Variants in NHS observed in about 807,000 individuals in gnomAD.
NHS encodes actin remodeling regulator NHS.
In NHS, 5 loss-of-function variants were observed where a neutral mutation model predicts 72.5. The observed-to-expected ratio is 0.07, with a 90% CI of 0.04 to 0.14. The LOEUF (loss-of-function observed/expected upper bound fraction) is 0.14. Among genes scored for constraint, NHS ranks in the 10% least tolerant of loss-of-function variants. NHS has a pLI of 1.00. For missense variants in NHS, 1,072 were observed against 1,355.7 expected (o/e 0.79, Z 3.29); for synonymous variants, 464 against 547.7 (o/e 0.85, Z 2.13).
intron 1 of NHS, among the ~76,000 whole-genome samples, chrX:17,602,834 ATTTTT>A (rs34067989): frequency 1.2e-5 from 1 of 83,300 alleles, no homozygotes; most frequent in African/African-American, 4.9e-5. Flanking sequence ...CACAACTACA[ATTTTT>A]TTTTTTTTTT....
chrX:17,469,177 A>G (rs2064881970), intron 1 of NHS, among the ~76,000 whole-genome samples: 1 of 111,966 alleles, frequency 8.9e-6, no homozygotes, highest in Non-Finnish European at 1.9e-5. Flanking sequence ...ATTCCATTCC[A>G]TGGTGTGAAT....
At position 17,683,263 on chromosome X, in the gene NHS, AG is replaced by A. The variant is rs747826549; in HGVS notation, c.566-4477del. 6.2e-5 allele frequency among the ~76,000 whole-genome samples: 7 copies of A among 112,210 alleles called. No homozygotes were observed. The South Asian group carries it at 2.2e-3, about 36-fold the overall frequency. On this transcript the variant is annotated intron_variant, in intron 1 of 8. Coordinates refer to ENST00000676302, the MANE Select transcript of NHS (RefSeq NM_001291867.2). ...GAACACATCTTCCCAACCTCCTGCTAGGCACTTTCTGGAAGAGTCACTCAGT... is the reference window on the plus strand; with the variant it reads ...GAACACATCTTCCCAACCTCCTGCTAGCACTTTCTGGAAGAGTCACTCAGT...
chrX:17,385,241 G>A (rs2064400278), intron 1 of NHS, among the ~76,000 whole-genome samples: 1 of 112,034 alleles, frequency 8.9e-6, no homozygotes, highest in Non-Finnish European at 1.9e-5. Flanking sequence ...GAGGACCTGG[G>A]CATTCATGTG....
intron 1 of NHS, among the ~76,000 whole-genome samples, chrX:17,452,627 A>T (rs779902564): frequency 2.7e-4 from 30 of 111,008 alleles, no homozygotes; most frequent in Non-Finnish European, 4.1e-4. Context: ...GTCTCAGTTC[A>T]CATTCTCCAG....
intron 1 of NHS, among the ~76,000 whole-genome samples, chrX:17,446,201 C>T (rs906623060): frequency 1.8e-5 from 2 of 110,589 alleles, no homozygotes; most frequent in Non-Finnish European, 3.8e-5. Flanking sequence ...CCCTGAGAAA[C>T]ATCGCCCATT....
intron 1 of NHS, among the ~76,000 whole-genome samples, chrX:17,684,694 G>A (rs1011520610): frequency 2.7e-5 from 3 of 111,593 alleles, no homozygotes; most frequent in Non-Finnish European, 5.6e-5. Flanking sequence ...AACTCAAGTC[G>A]ATTGAGTACA....
chrX:17,719,163 G>C, intron 3 of NHS, 181 bp from the exon 4 acceptor site: 1 of 384,716 alleles, frequency 2.6e-6, no homozygotes, highest in Non-Finnish European at 4.5e-6. Flanking sequence ...GGAGAAGGAA[G>C]GAATAATGAG....
At chrX:17,537,987 AGGAGGGCTTCCTGCTCAGCCT>A (rs1317296056) in intron 1 of NHS, among the ~76,000 whole-genome samples, 5 of 112,120 alleles carry the variant, frequency 4.5e-5, no homozygotes, top group Admixed American at 2.8e-4. Context: ...AGCCACGGGC[AGGAGGGCTTCCTGCTCAGCCT>A]GGCTGTGGAG....
At chrX:17,498,604 C>A (rs2065023838) in intron 1 of NHS, among the ~76,000 whole-genome samples, 1 of 111,480 alleles carries the variant, frequency 9.0e-6, no homozygotes, top group Non-Finnish European at 1.9e-5. Context: ...GAAAATGACA[C>A]AAGCCTTGTT....
At chrX:17,658,511 G>A (rs757152249) in intron 1 of NHS, among the ~76,000 whole-genome samples, 3 of 111,776 alleles carry the variant, frequency 2.7e-5, no homozygotes, top group Non-Finnish European at 5.6e-5. Flanking sequence ...CAACTATTAA[G>A]ATAGAGATCG....
intron 1 of NHS, among the ~76,000 whole-genome samples, chrX:17,435,639 A>G (rs111425128): frequency 3.2e-4 from 36 of 113,108 alleles, no homozygotes; most frequent in African/African-American, 1.2e-3. Flanking sequence ...AAAAGGGCCA[A>G]AGGGCAAGCC....
intron 2 of NHS, 87 bp from the exon 3 acceptor site, chrX:17,692,247 TA>T (rs1430712555): frequency 1.9e-6 from 2 of 1,052,534 alleles, no homozygotes; most frequent in Admixed American, 2.5e-5. Flanking sequence ...TTTTTTTTTT[TA>T]CAGCCTTTTG....
At chrX:17,725,226 C>CTTT in intron 6 of NHS, 121 bp from the exon 7 acceptor site, 1 of 603,569 alleles carries the variant, frequency 1.7e-6, no homozygotes, top group Non-Finnish European at 2.6e-6. Flanking sequence ...GATTTTTTTT[C>CTTT]TGTTAAAGAA....
Position 17,719,648 on chromosome X carries a change from C to G in NHS, c.915+242C>G, listed in dbSNP as rs192212589. On this transcript the variant is annotated intron_variant, in intron 4 of 8. Transcript: ENST00000676302. The stretch of plus-strand genomic sequence containing the variant: ...CCACTCTGCAAACTGCATCACCTAA[C>G]ACTACTCTTGGACTTTGTAGTCTGG... 2.3e-3 allele frequency among the ~76,000 whole-genome samples: 252 copies of G among 110,848 alleles called. 3 individuals are homozygous for G. Among genetic ancestry groups the G allele is most frequent in the Admixed American group, 0.021 (215 of 10,434 alleles).
chrX:17,487,561 C>T (rs945365244), intron 1 of NHS, among the ~76,000 whole-genome samples: 3 of 111,673 alleles, frequency 2.7e-5, no homozygotes, highest in African/African-American at 9.8e-5. Flanking sequence ...CCTTCTCTCC[C>T]TGATGTACCC....
chrX:17,680,987 CAG>C (rs1303803140), intron 1 of NHS, among the ~76,000 whole-genome samples: 2 of 112,025 alleles, frequency 1.8e-5, no homozygotes, highest in African/African-American at 6.5e-5. Context: ...GCCACTGGCT[CAG>C]AGAGTTAGGA....
At chrX:17,663,271 A>G (rs946102706) in intron 1 of NHS, among the ~76,000 whole-genome samples, 1 of 111,892 alleles carries the variant, frequency 8.9e-6, no homozygotes. Flanking sequence ...TGAGTTATGC[A>G]TAAGTCTTAA....
In NHS at chrX:17,726,516, T is replaced by A; in HGVS notation, c.2410T>A (p.Tyr804Asn). The A allele has an allele frequency of 8.3e-7, 1 of 1,211,986 alleles. No individual in the cohort carries two copies. Among genetic ancestry groups the A allele is most frequent in the Non-Finnish European group, 1.1e-6 (1 of 895,529 alleles). Residue 804 changes from tyrosine to asparagine, a missense_variant, in exon 7 of 9, where the codon TAT becomes AAT. Tyr to Asn is a moderately radical substitution (Grantham distance 143). Coordinates refer to ENST00000676302, the MANE Select transcript of NHS (RefSeq NM_001291867.2). ...LKGNKSYVCH[Y>N]AALGPENGQG... ...AGGTAATAAGAGCTATGTCTGTCAC[T>A]ATGCAGCCCTGGGCCCAGAGAATGG...
chrX:17,558,905 G>GT (rs1171550177), intron 1 of NHS, among the ~76,000 whole-genome samples: 1 of 112,520 alleles, frequency 8.9e-6, no homozygotes, highest in Non-Finnish European at 1.9e-5. Context: ...TAAACTTAAA[G>GT]TTTCATGCAT....
Sources: gnomAD v4.1 joint callset for allele counts (sites outside exome capture counted in the v4.1 genomes callset) on GRCh38, gnomAD v4.1.1 for gene constraint, MANE v1.5 for transcripts, NCBI Gene and HGNC (gene_info 2026-07-23, HGNC 2026-07-21) for gene names.